Variants in GPM6A observed in about 807,000 individuals in gnomAD.
The protein encoded by GPM6A is glycoprotein M6A, also known as neuronal membrane glycoprotein M6-a.
Under a neutral mutation model 32.1 loss-of-function variants are expected in GPM6A, and 7 were observed. The observed-to-expected ratio is 0.22, with a 90% CI of 0.12 to 0.41. The LOEUF is 0.41. GPM6A is among the 10% of genes least tolerant of loss of function. The probability of loss-of-function intolerance (pLI) is 1.00; values close to 1 mark genes in which losing one functional copy is unlikely to be tolerated. For missense variants in GPM6A, 235 were observed against 347.2 expected, an observed-to-expected ratio of 0.68 and a Z score of 2.57; for synonymous variants, 130 against 123.4, an observed-to-expected ratio of 1.05 and a Z score of -0.35.
intron 1 of GPM6A, among the ~76,000 whole-genome samples, chr4:175,995,375 G>GT (rs1429898011): frequency 5.4e-5 from 4 of 74,722 alleles, no homozygotes; most frequent in African/African-American, 2.2e-4. Flanking sequence ...CTTTCAATTT[G>GT]TAAAAAAAAA....
rs1398337057 is a variant in GPM6A, at chr4:175,654,290, G to A, written c.388-2303C>T. 5 of 152,298 alleles carry A rather than the reference G, an allele frequency of 3.3e-5. No individual in the cohort carries two copies. The East Asian group carries it at 9.6e-4, about 29-fold the overall frequency. The allele number at this position is 152,298 out of a possible 1,614,324, so 9.4% of individuals were successfully genotyped here. On this transcript the variant is annotated intron_variant, in intron 3 of 6. Transcript: ENST00000393658. ...GGGGTCTTCAGGCATACTGATGAAA[G>A]GCACAGGCTTTTCAGCTGGCTTGAG...
intron 1 of GPM6A, among the ~76,000 whole-genome samples, chr4:175,930,623 C>T (rs1739007291): frequency 6.6e-6 from 1 of 151,992 alleles, no homozygotes; most frequent in Non-Finnish European, 1.5e-5. Flanking sequence ...AAAGCTGATT[C>T]TCATTTTAAT....
At chr4:175,895,441 GA>G (rs898091810) in intron 1 of GPM6A, among the ~76,000 whole-genome samples, 3 of 151,978 alleles carry the variant, frequency 2.0e-5, no homozygotes, top group Non-Finnish European at 4.4e-5. Context: ...TTGCCAATTG[GA>G]AAAAACTAAG....
intron 1 of GPM6A, among the ~76,000 whole-genome samples, chr4:175,732,260 C>T (rs1489272409): frequency 6.6e-6 from 1 of 152,040 alleles, no homozygotes; most frequent in Non-Finnish European, 1.5e-5. Flanking sequence ...CCATTGCACC[C>T]AGCCCACTTC....
chr4:175,639,845 C>T (rs1285874210), intron 6 of GPM6A, among the ~76,000 whole-genome samples: 7 of 151,796 alleles, frequency 4.6e-5, no homozygotes, highest in African/African-American at 1.7e-4. Flanking sequence ...TTGGTATGTA[C>T]ATATATGCTA....
At chr4:175,839,782 A>G (rs572368429) in intron 1 of GPM6A, among the ~76,000 whole-genome samples, 1 of 152,280 alleles carries the variant, frequency 6.6e-6, no homozygotes, top group East Asian at 1.9e-4. Context: ...GCTTGTTCAT[A>G]TATTATAATT....
chr4:175,946,688 C>T (rs1298201687), intron 1 of GPM6A, among the ~76,000 whole-genome samples: 1 of 152,028 alleles, frequency 6.6e-6, no homozygotes, highest in African/African-American at 2.4e-5. Context: ...ATGGCAGCAG[C>T]CCAAGCACTG....
At chr4:175,635,435 A>G (rs918576113) in intron 6 of GPM6A, among the ~76,000 whole-genome samples, 2 of 152,100 alleles carry the variant, frequency 1.3e-5, no homozygotes, top group African/African-American at 4.8e-5. Context: ...ATTTTCACAT[A>G]CCGTTGTGTC....
intron 1 of GPM6A, among the ~76,000 whole-genome samples, chr4:175,966,598 T>C (rs1042473899): frequency 6.6e-6 from 1 of 151,858 alleles, no homozygotes; most frequent in African/African-American, 2.4e-5. Context: ...GGCAGCTCTC[T>C]TTCTGCAATG....
chr4:175,807,307 T>A (rs1349560543), intron 1 of GPM6A: 1 of 152,208 alleles, frequency 6.6e-6, no homozygotes, highest in Non-Finnish European at 1.5e-5. Flanking sequence ...AAAGTTGAAA[T>A]TTAATACATT....
intron 2 of GPM6A, among the ~76,000 whole-genome samples, chr4:175,685,012 C>A (rs895679670): frequency 6.6e-6 from 1 of 151,962 alleles, no homozygotes; most frequent in African/African-American, 2.4e-5. Context: ...CTCAGCCTCC[C>A]GAGTAGCTGG....
At chr4:175,752,066 T>C (rs1012980080) in intron 1 of GPM6A, among the ~76,000 whole-genome samples, 6 of 152,172 alleles carry the variant, frequency 3.9e-5, no homozygotes, top group African/African-American at 1.4e-4. Flanking sequence ...ACCTAATTGC[T>C]GAAAACTATG....
chr4:175,657,989 T>G lies in GPM6A; in HGVS notation c.388-6002A>C, dbSNP rs186654719. Among the ~76,000 whole-genome samples, 109 of 152,142 alleles carry G rather than the reference T, an allele frequency of 7.2e-4. 1 individual carries two copies. Among genetic ancestry groups the G allele is most frequent in the Non-Finnish European group, 1.5e-3 (99 of 68,002 alleles). ...AGTGTATAGCTTAATGCAGAGAAAA[T>G]TACTAAATCATTATGTAAATTACTC... On this transcript the variant is annotated intron_variant, in intron 3 of 6. Transcript: ENST00000393658.
intron 1 of GPM6A, among the ~76,000 whole-genome samples, chr4:175,895,181 A>G (rs957001938): frequency 2.6e-5 from 4 of 152,150 alleles, no homozygotes; most frequent in Non-Finnish European, 4.4e-5. Flanking sequence ...CCAGTGAATG[A>G]CTTGAGATGC....
chr4:175,638,164 A>G (rs1579327088), intron 6 of GPM6A, among the ~76,000 whole-genome samples: 1 of 151,020 alleles, frequency 6.6e-6, no homozygotes, highest in East Asian at 1.9e-4. Flanking sequence ...AAGAAATATT[A>G]TTAATAACAT....
At chr4:175,798,184 T>C (rs1312381466) in intron 1 of GPM6A, among the ~76,000 whole-genome samples, 1 of 152,218 alleles carries the variant, frequency 6.6e-6, no homozygotes, top group East Asian at 1.9e-4. Context: ...AACACATTCA[T>C]TGCAAAGTAA....
intron 3 of GPM6A, among the ~76,000 whole-genome samples, chr4:175,664,925 C>G (rs1742651097): frequency 6.6e-6 from 1 of 150,816 alleles, no homozygotes; most frequent in Non-Finnish European, 1.5e-5. Context: ...ATGGTATAGC[C>G]TATTGTTCTC....
At chr4:175,771,484 T>C (rs1435924968) in intron 1 of GPM6A, among the ~76,000 whole-genome samples, 1 of 144,966 alleles carries the variant, frequency 6.9e-6, no homozygotes, top group African/African-American at 2.6e-5. Context: ...GGCGGGAGAA[T>C]CACTTGAACC....
chr4:175,933,152 T>C (rs1739107095), intron 1 of GPM6A, among the ~76,000 whole-genome samples: 2 of 151,754 alleles, frequency 1.3e-5, no homozygotes, highest in South Asian at 4.2e-4. Context: ...CCATTAAAAA[T>C]GGGCAAAAGG....
Sources: allele counts gnomAD v4.1 joint callset (sites outside exome capture counted in the v4.1 genomes callset), GRCh38; gene constraint gnomAD v4.1.1; transcripts MANE v1.5; gene names NCBI Gene and HGNC (gene_info 2026-07-23, HGNC 2026-07-21).